The following USP15 variants were observed in gnomAD, a reference collection of about 807,000 sequenced individuals.
USP15 encodes ubiquitin carboxyl-terminal hydrolase 15.
Under a neutral mutation model 127.1 loss-of-function variants are expected in USP15, and 18 were observed. That is an observed-to-expected ratio of 0.14 (90% CI 0.10 to 0.21). The LOEUF is 0.21. Among genes scored for constraint, USP15 ranks in the 10% least tolerant of loss-of-function variants. The pLI is 1.00. For synonymous variants in USP15, 364 were observed against 393.7 expected (o/e 0.92, Z 0.89); for missense variants, 805 against 1,159.9 (o/e 0.69, Z 4.44).
chr12:62,276,352 C>T (rs1358967492), intron 1 of USP15, among the ~76,000 whole-genome samples: 1 of 152,046 alleles, frequency 6.6e-6, no homozygotes, highest in African/African-American at 2.4e-5. Context: ...CTCTGGGCTG[C>T]TCAAGATGGT....
At chr12:62,290,646 TA>T in intron 1 of USP15, among the ~76,000 whole-genome samples, 1 of 152,240 alleles carries the variant, frequency 6.6e-6, no homozygotes. Context: ...ATTCCTGTAG[TA>T]ATGTTAATTG....
At chr12:62,281,716 C>T (rs1285372984) in intron 1 of USP15, among the ~76,000 whole-genome samples, 1 of 151,258 alleles carries the variant, frequency 6.6e-6, no homozygotes, top group Non-Finnish European at 1.5e-5. Context: ...AAATATGGTG[C>T]CCTTTTTCAA....
At chr12:62,322,357 C>T (rs371241502) in intron 5 of USP15, among the ~76,000 whole-genome samples, 2 of 152,032 alleles carry the variant, frequency 1.3e-5, no homozygotes, top group Non-Finnish European at 2.9e-5. Flanking sequence ...AGAATGGTCT[C>T]GATCTCTTGA....
chr12:62,363,223 C>T (rs1426230688), intron 8 of USP15, among the ~76,000 whole-genome samples: 1 of 152,114 alleles, frequency 6.6e-6, no homozygotes, highest in African/African-American at 2.4e-5. Flanking sequence ...GCCAGCAATT[C>T]GTTTCAAACC....
chr12:62,281,696 G>A (rs1290935701), intron 1 of USP15, among the ~76,000 whole-genome samples: 1 of 150,456 alleles, frequency 6.6e-6, no homozygotes, highest in Non-Finnish European at 1.5e-5. Context: ...TGTGTAGATA[G>A]CCCTAAGAGA....
At chr12:62,386,771 A>G (rs1249568167) in intron 11 of USP15, among the ~76,000 whole-genome samples, 1 of 152,144 alleles carries the variant, frequency 6.6e-6, no homozygotes, top group Non-Finnish European at 1.5e-5. Context: ...TAGATATTAT[A>G]TGGCCACAAT....
In USP15 at chr12:62,389,818, G is replaced by A. The variant is rs1402962519; in HGVS notation, c.1674G>A (p.Arg558=). 6.2e-7 allele frequency: 1 copy of A among 1,612,984 alleles called. No homozygotes were observed. Among genetic ancestry groups the A allele is most frequent in the Admixed American group, 1.7e-5 (1 of 59,896 alleles). ...GTAGGTTTGAAATTAACATCAATAG[G>A]ACAGAAGATACAGAGCACGTGATTA... is the stretch of plus-strand genomic sequence containing the variant. ...DIYVFEININ[R]TEDTEHVIIP... Residue 558 remains arginine, a synonymous_variant, in exon 14 of 22, where the codon AGG becomes AGA. Transcript: ENST00000280377.
intron 3 of USP15, among the ~76,000 whole-genome samples, chr12:62,309,469 G>A (rs2137228677): frequency 6.6e-6 from 1 of 152,172 alleles, no homozygotes; most frequent in South Asian, 2.1e-4. Flanking sequence ...AGCTTTACCA[G>A]TGTATTCTAC....
At position 62,413,103 on chromosome 12, in the gene USP15, T is replaced by C. The variant is rs2068075727; in HGVS notation, c.*8728T>C. The C allele has an allele frequency of 6.6e-6, 1 of 152,192 alleles. No individual in the cohort carries two copies. Among genetic ancestry groups the C allele is most frequent in the Non-Finnish European group, 1.5e-5 (1 of 68,020 alleles). 9.4% of individuals were successfully genotyped at this position (152,192 alleles called of 1,614,324 possible). A position where few individuals can be genotyped will look rare whatever the true frequency, so the allele number is the denominator to read the frequency against. Reference sequence around the variant, plus strand: ...AATCTCATACATCTCCATAGAGCTCTTGGGTGACCAGGTGCACTTGTCAAT... The same window carrying C: ...AATCTCATACATCTCCATAGAGCTCCTGGGTGACCAGGTGCACTTGTCAAT... On this transcript the variant is annotated 3_prime_UTR_variant, in exon 22 of 22. Transcript: ENST00000280377.
chr12:62,360,436 A>G (rs1181614622), intron 8 of USP15, among the ~76,000 whole-genome samples: 1 of 152,084 alleles, frequency 6.6e-6, no homozygotes, highest in African/African-American at 2.4e-5. Context: ...TAAGAGAATA[A>G]GTAATACTAC....
intron 4 of USP15, among the ~76,000 whole-genome samples, chr12:62,318,322 C>G (rs2064890236): frequency 6.6e-6 from 1 of 152,204 alleles, no homozygotes; most frequent in African/African-American, 2.4e-5. Flanking sequence ...GTTGGTACTA[C>G]TACTGTCATA....
At chr12:62,301,251 T>A (rs1287015272) in intron 2 of USP15, among the ~76,000 whole-genome samples, 2 of 152,148 alleles carry the variant, frequency 1.3e-5, no homozygotes, top group East Asian at 3.8e-4. Flanking sequence ...TGTCATATCA[T>A]AAAAGCACTT....
rs987301317 is a variant in USP15, at chr12:62,409,376, A to G, written c.*5001A>G. ...GGGTTTTGATATTTTTTTTTCCTAG[A>G]AATGTGTAGCAAATGTGATTTTACA... is the stretch of plus-strand genomic sequence containing the variant. On this transcript the variant is annotated 3_prime_UTR_variant, in exon 22 of 22. Transcript: ENST00000280377. The G allele has an allele frequency of 6.6e-6, 1 of 152,178 alleles. No individual in the cohort carries two copies. The highest frequency in any genetic ancestry group is 1.5e-5 in the Non-Finnish European group (1 of 68,014). The allele number at this position is 152,178 out of a possible 1,614,324, so 9.4% of individuals were successfully genotyped here. A position where few individuals can be genotyped will look rare whatever the true frequency, so the allele number is the denominator to read the frequency against.
In USP15 at chr12:62,409,466, C is replaced by G. The variant is rs2137706744; in HGVS notation, c.*5091C>G. ...TGTGTAAAATAAGACCACACACTTT[C>G]AATATGCACAAAATATATTTTAAAT... On this transcript the variant is annotated 3_prime_UTR_variant, in exon 22 of 22. Transcript: ENST00000280377. The G allele has an allele frequency of 6.6e-6, 1 of 152,210 alleles. No homozygotes were observed. The highest frequency in any genetic ancestry group is 1.9e-4 in the East Asian group (1 of 5,188). The allele number at this position is 152,210 out of a possible 1,614,324, so 9.4% of individuals were successfully genotyped here. A position where few individuals can be genotyped will look rare whatever the true frequency, so the allele number is the denominator to read the frequency against.
At chr12:62,336,542 G>C (rs2065471853) in intron 6 of USP15, 15 of 927,536 alleles carry the variant, frequency 1.6e-5, no homozygotes, top group Non-Finnish European at 1.9e-5. Context: ...CTGTTATATG[G>C]GTTATAGCTG....
At chr12:62,389,017 C>T (rs1452511106) in intron 11 of USP15, among the ~76,000 whole-genome samples, 1 of 152,086 alleles carries the variant, frequency 6.6e-6, no homozygotes, top group Non-Finnish European at 1.5e-5. Context: ...CCTAGCTACG[C>T]AAGAGGCTGA....
chr12:62,262,349 A>G (rs186166956), intron 1 of USP15, among the ~76,000 whole-genome samples: 2 of 152,350 alleles, frequency 1.3e-5, no homozygotes, highest in South Asian at 2.1e-4. Context: ...GGTAATGACA[A>G]ATAAGTCCCC....
chr12:62,330,716 T>C (rs2065266316), intron 6 of USP15, among the ~76,000 whole-genome samples: 1 of 148,308 alleles, frequency 6.7e-6, no homozygotes, highest in African/African-American at 2.5e-5. Flanking sequence ...AGCCCAGGAG[T>C]TCAAGACGAC....
chr12:62,308,564 A>G (rs1414966696), intron 3 of USP15, among the ~76,000 whole-genome samples: 1 of 152,080 alleles, frequency 6.6e-6, no homozygotes, highest in African/African-American at 2.4e-5. Context: ...CTTACCCTAT[A>G]GAGAGACTCA....
Sources: gnomAD v4.1 joint callset for allele counts (sites outside exome capture counted in the v4.1 genomes callset) on GRCh38, gnomAD v4.1.1 for gene constraint, MANE v1.5 for transcripts, NCBI Gene and HGNC (gene_info 2026-07-23, HGNC 2026-07-21) for gene names.